The following C12orf42 variants were observed in gnomAD, a reference collection of about 807,000 sequenced individuals.
The protein encoded by C12orf42 is chromosome 12 open reading frame 42.
In C12orf42, 25 loss-of-function variants were observed where a neutral mutation model predicts 21.6. That is an observed-to-expected ratio of 1.16 (90% CI 0.84 to 1.62). The LOEUF is 1.62. C12orf42 is among the 40% of genes most tolerant of loss of function. C12orf42 has a pLI of 0.00. For synonymous variants in C12orf42, 174 were observed against 175.0 expected (o/e 0.99, Z 0.05); for missense variants, 483 against 459.3 (o/e 1.05, Z -0.47).
the C12orf42 span, among the ~76,000 whole-genome samples, chr12:103,199,788 G>A: frequency 6.6e-6 from 1 of 152,124 alleles, no homozygotes; most frequent in African/African-American, 2.4e-5. Flanking sequence ...CACCTGTTAG[G>A]ATGGCTTTTG....
chr12:103,056,611 C>T, the C12orf42 span, among the ~76,000 whole-genome samples: 80 of 152,200 alleles, frequency 5.3e-4, no homozygotes, highest in Non-Finnish European at 9.1e-4. Context: ...CCCATAGGCT[C>T]CTGAAGCTCT....
intron 2 of C12orf42, among the ~76,000 whole-genome samples, chr12:103,461,349 A>G (rs1337044668): frequency 6.6e-6 from 1 of 152,200 alleles, no homozygotes; most frequent in African/African-American, 2.4e-5. Flanking sequence ...ATCCTGCATT[A>G]CATTGTCCAT....
chr12:103,492,512 T>C (rs1955247801), intron 1 of C12orf42, among the ~76,000 whole-genome samples: 1 of 152,228 alleles, frequency 6.6e-6, no homozygotes, highest in South Asian at 2.1e-4. Context: ...CTCCCTCAAC[T>C]GTGTTTCATA....
At chr12:103,195,032 A>C in the C12orf42 span, among the ~76,000 whole-genome samples, 1 of 152,144 alleles carries the variant, frequency 6.6e-6, no homozygotes, top group African/African-American at 2.4e-5. Context: ...CCCACTTATA[A>C]GCAAGAATAT....
At chr12:103,168,552 G>A in the C12orf42 span, among the ~76,000 whole-genome samples, 1 of 152,166 alleles carries the variant, frequency 6.6e-6, no homozygotes, top group Non-Finnish European at 1.5e-5. Context: ...TATAGGATGA[G>A]AGCTAAAATA....
chr12:103,054,249 G>T, the C12orf42 span, among the ~76,000 whole-genome samples: 1 of 151,656 alleles, frequency 6.6e-6, no homozygotes, highest in Non-Finnish European at 1.5e-5. Context: ...GATTTTCTTT[G>T]ATTTCTTTGG....
chr12:103,478,539 A>G (rs1954237451), intron 1 of C12orf42, 92 bp from the exon 2 acceptor site: 3 of 559,982 alleles, frequency 5.4e-6, no homozygotes, highest in Non-Finnish European at 8.9e-6. Context: ...AGCCAGAATC[A>G]TCCTATCCAT....
At chr12:103,523,481 T>A in the C12orf42 span, among the ~76,000 whole-genome samples, 1 of 151,924 alleles carries the variant, frequency 6.6e-6, no homozygotes, top group Admixed American at 6.6e-5. Flanking sequence ...TTATAACACC[T>A]GTTTTAAGTG....
the C12orf42 span, among the ~76,000 whole-genome samples, chr12:103,543,887 TTTTG>T: frequency 0.18 from 24,073 of 130,584 alleles, 2,070 homozygotes; most frequent in East Asian, 0.32. Flanking sequence ...TGGGTTTTTT[TTTTG>T]TTTTGTTTTT....
intron 1 of C12orf42, among the ~76,000 whole-genome samples, chr12:103,494,885 G>A (rs1026502162): frequency 6.6e-6 from 1 of 152,174 alleles, no homozygotes; most frequent in East Asian, 1.9e-4. Flanking sequence ...TTTCCCGGGA[G>A]GGGGCAGCAC....
At chr12:103,384,533 A>G (rs1178704324) in intron 3 of C12orf42, among the ~76,000 whole-genome samples, 1 of 152,240 alleles carries the variant, frequency 6.6e-6, no homozygotes, top group Admixed American at 6.5e-5. Flanking sequence ...TAACACATGT[A>G]AAATACACAG....
the C12orf42 span, among the ~76,000 whole-genome samples, chr12:103,225,019 G>T: frequency 6.6e-6 from 1 of 152,206 alleles, no homozygotes; most frequent in African/African-American, 2.4e-5. Context: ...CTTGACTGAA[G>T]TAATGGGGGC....
chr12:103,067,159 A>C, the C12orf42 span, among the ~76,000 whole-genome samples: 3 of 152,290 alleles, frequency 2.0e-5, no homozygotes, highest in East Asian at 5.8e-4. Context: ...TCCATTATGG[A>C]AAGGGCAGAG....
chr12:103,174,404 C>T, the C12orf42 span, among the ~76,000 whole-genome samples: 4 of 152,112 alleles, frequency 2.6e-5, no homozygotes, highest in African/African-American at 9.7e-5. Context: ...AAGCACTGGT[C>T]TAAGTATTTT....
chr12:103,533,685 A>T, the C12orf42 span, among the ~76,000 whole-genome samples: 1 of 152,242 alleles, frequency 6.6e-6, no homozygotes, highest in Non-Finnish European at 1.5e-5. Flanking sequence ...AAATGTCTGC[A>T]ACTTGATTTT....
intron 3 of C12orf42, among the ~76,000 whole-genome samples, chr12:103,372,300 T>C (rs1357004848): frequency 1.3e-5 from 2 of 152,160 alleles, no homozygotes; most frequent in Non-Finnish European, 2.9e-5. Flanking sequence ...ATAGTGTTCA[T>C]TGATTTCCCA....
intron 2 of C12orf42, among the ~76,000 whole-genome samples, chr12:103,434,030 C>A (rs1950465281): frequency 1.3e-5 from 2 of 152,046 alleles, no homozygotes; most frequent in African/African-American, 4.8e-5. Context: ...CCAAACATGG[C>A]AGGTTTTGTT....
At chr12:103,330,155 G>A (rs1703331418) in intron 4 of C12orf42, among the ~76,000 whole-genome samples, 1 of 152,018 alleles carries the variant, frequency 6.6e-6, no homozygotes, top group African/African-American at 2.4e-5. Flanking sequence ...CAGACCGACA[G>A]CAAGCATTAT....
chr12:103,094,157 C>G, the C12orf42 span, among the ~76,000 whole-genome samples: 1 of 152,178 alleles, frequency 6.6e-6, no homozygotes, highest in Non-Finnish European at 1.5e-5. Flanking sequence ...GTTTTTATGA[C>G]CATCTTACTT....
Sources: allele counts gnomAD v4.1 joint callset (sites outside exome capture counted in the v4.1 genomes callset), GRCh38; gene constraint gnomAD v4.1.1; transcripts MANE v1.5; gene names NCBI Gene and HGNC (gene_info 2026-07-23, HGNC 2026-07-21).